TTLL11: variants seen among roughly 807,000 people sequenced by gnomAD.
TTLL11 encodes the protein tubulin polyglutamylase TTLL11.
TTLL11 carries 42 observed loss-of-function variants against 51.7 expected under a neutral mutation model. The observed-to-expected ratio is 0.81, with a 90% CI of 0.64 to 1.05. TTLL11 has a LOEUF of 1.05. TTLL11 is among the 50% of genes least tolerant of loss of function. The pLI, the probability that TTLL11 is intolerant of heterozygous loss-of-function variation, is 0.00. For missense variants in TTLL11, 799 were observed against 940.4 expected (o/e 0.85, Z 1.97); for synonymous variants, 381 against 383.5 (o/e 0.99, Z 0.08).
At chr9:122,030,776 C>CAAAAAAAAAAAAAAAAA (rs35456581) in intron 3 of TTLL11, among the ~76,000 whole-genome samples, 7 of 69,252 alleles carry the variant, frequency 1.0e-4, no homozygotes, top group Admixed American at 1.8e-4. Flanking sequence ...ACAAAAAATA[C>CAAAAAAAAAAAAAAAAA]AAAAAAAAAA....
intron 8 of TTLL11, among the ~76,000 whole-genome samples, chr9:121,857,739 A>G (rs1457936502): frequency 1.3e-5 from 2 of 152,220 alleles, no homozygotes; most frequent in Middle Eastern, 3.2e-3. Flanking sequence ...CAGACCCCAG[A>G]AAACCTCACC....
At chr9:121,984,528 G>A (rs1167459521) in intron 4 of TTLL11, among the ~76,000 whole-genome samples, 3 of 152,110 alleles carry the variant, frequency 2.0e-5, no homozygotes, top group African/African-American at 4.8e-5. Flanking sequence ...ACCAGCTAGA[G>A]GTGCCAGGGT....
rs576895659 is a variant in TTLL11, at chr9:121,870,753, A to G, written c.1482-5T>C. The G allele has an allele frequency of 7.2e-6, 11 of 1,535,076 alleles. No individual in the cohort carries two copies. In the South Asian group the frequency reaches 9.8e-5, roughly 14 times the overall value. On this transcript the variant is annotated splice_polypyrimidine_tract_variant and splice_region_variant and intron_variant, in intron 6 of 8. Coordinates refer to ENST00000321582, the MANE Select transcript of TTLL11 (RefSeq NM_001139442.2). ...GGTTTTTCAAGCTGCTGAGACCTGA[A>G]GCACACAAAGAATTAATGATATAAC...
intron 3 of TTLL11, among the ~76,000 whole-genome samples, chr9:121,993,068 C>G (rs1843158417): frequency 6.6e-6 from 1 of 152,042 alleles, no homozygotes. Flanking sequence ...ATATGAGGTA[C>G]CTAGAGCAGT....
chr9:121,832,417 A>T (rs1445350075), intron 8 of TTLL11, among the ~76,000 whole-genome samples: 1 of 152,228 alleles, frequency 6.6e-6, no homozygotes, highest in Admixed American at 6.5e-5. Context: ...AAGTAAAAGT[A>T]ATGAAAGTAA....
chr9:121,974,445 T>A (rs990956512), intron 5 of TTLL11, among the ~76,000 whole-genome samples: 1 of 152,220 alleles, frequency 6.6e-6, no homozygotes, highest in Non-Finnish European at 1.5e-5. Flanking sequence ...AATATTGATA[T>A]CTGCTGTATT....
chr9:122,058,232 G>T (rs773302983), intron 1 of TTLL11, among the ~76,000 whole-genome samples: 2 of 152,242 alleles, frequency 1.3e-5, no homozygotes, highest in African/African-American at 4.8e-5. Context: ...GCCTAGCCCA[G>T]TGCCTGGGAG....
At chr9:122,037,800 T>A (rs1844743973) in intron 2 of TTLL11, among the ~76,000 whole-genome samples, 2 of 152,184 alleles carry the variant, frequency 1.3e-5, no homozygotes, top group African/African-American at 4.8e-5. Flanking sequence ...GCAAGCCGTG[T>A]TTCCTGCCCT....
At chr9:121,988,523 T>C (rs190889133) in intron 4 of TTLL11, among the ~76,000 whole-genome samples, 24 of 152,110 alleles carry the variant, frequency 1.6e-4, no homozygotes, top group Middle Eastern at 3.4e-3. Flanking sequence ...TTCAGCACAT[T>C]TCCACCTGGA....
chr9:121,880,482 C>T (rs557676040), intron 6 of TTLL11, among the ~76,000 whole-genome samples: 35 of 152,314 alleles, frequency 2.3e-4, no homozygotes, highest in African/African-American at 6.5e-4. Context: ...ATAACCTCCC[C>T]GACTTAGTAT....
intron 3 of TTLL11, among the ~76,000 whole-genome samples, chr9:122,025,159 A>T (rs1350653502): frequency 7.5e-6 from 1 of 132,938 alleles, no homozygotes; most frequent in Non-Finnish European, 1.7e-5. Context: ...CAACCCAATT[A>T]AAAAAAAATA....
intron 8 of TTLL11, 138 bp downstream of exon 8, chr9:121,860,199 C>A: frequency 1.6e-6 from 1 of 643,240 alleles, no homozygotes; most frequent in East Asian, 2.8e-5. Flanking sequence ...AAATTCAGCT[C>A]AATCCCTGGG....
chr9:121,913,423 AG>A (rs1399247017), intron 6 of TTLL11, among the ~76,000 whole-genome samples: 1 of 152,230 alleles, frequency 6.6e-6, no homozygotes, highest in East Asian at 1.9e-4. Context: ...CCACTCTGTC[AG>A]TGTGAAAATT....
intron 8 of TTLL11, among the ~76,000 whole-genome samples, chr9:121,854,834 G>A (rs1445399510): frequency 6.6e-6 from 1 of 152,150 alleles, no homozygotes; most frequent in African/African-American, 2.4e-5. Flanking sequence ...AGGGCTACTC[G>A]AGGGCTACGA....
intron 6 of TTLL11, among the ~76,000 whole-genome samples, chr9:121,965,774 A>G (rs1243712289): frequency 6.6e-6 from 1 of 152,200 alleles, no homozygotes; most frequent in African/African-American, 2.4e-5. Flanking sequence ...GGGGACTTCA[A>G]TAAGAGGTGC....
At chr9:121,947,386 C>G (rs573244488) in intron 6 of TTLL11, among the ~76,000 whole-genome samples, 3 of 152,130 alleles carry the variant, frequency 2.0e-5, no homozygotes, top group Non-Finnish European at 4.4e-5. Context: ...CAGGAAGCAG[C>G]TGTATCATGC....
chr9:121,865,450 C>T (rs1177203643), intron 7 of TTLL11, among the ~76,000 whole-genome samples: 1 of 152,124 alleles, frequency 6.6e-6, no homozygotes, highest in Non-Finnish European at 1.5e-5. Flanking sequence ...AGAAATAAAC[C>T]TGGTTTTGGC....
chr9:121,837,053 A>G (rs1297800567), intron 8 of TTLL11, among the ~76,000 whole-genome samples: 4 of 152,192 alleles, frequency 2.6e-5, no homozygotes, highest in Admixed American at 6.5e-5. Flanking sequence ...CACTTACACA[A>G]TTTTAACCAT....
chr9:121,845,948 G>T (rs1272491231), intron 8 of TTLL11, among the ~76,000 whole-genome samples: 2 of 151,962 alleles, frequency 1.3e-5, no homozygotes, highest in African/African-American at 2.4e-5. Context: ...AAATGTGAAT[G>T]GTTTAAATAA....
Sources: allele counts gnomAD v4.1 joint callset (sites outside exome capture counted in the v4.1 genomes callset), GRCh38; gene constraint gnomAD v4.1.1; transcripts MANE v1.5; gene names NCBI Gene and HGNC (gene_info 2026-07-23, HGNC 2026-07-21).